Variants in LRP1B observed in about 807,000 individuals in gnomAD.
The protein encoded by LRP1B is low-density lipoprotein receptor-related protein 1B.
LRP1B carries 217 observed loss-of-function variants against 556.6 expected under a neutral mutation model. The observed-to-expected ratio is 0.39, with a 90% CI of 0.35 to 0.44. The LOEUF is 0.44. LRP1B is among the 20% of genes least tolerant of loss of function. The probability of loss-of-function intolerance (pLI) is 1.00; values close to 1 mark genes in which losing one functional copy is unlikely to be tolerated. For synonymous variants in LRP1B, 2,047 were observed against 1,865.8 expected, an observed-to-expected ratio of 1.10 and a Z score of -2.50; for missense variants, 5,053 against 5,620.8, an observed-to-expected ratio of 0.90 and a Z score of 3.23.
chr2:140,352,249 C>T (rs1312374191), intron 76 of LRP1B, among the ~76,000 whole-genome samples: 1 of 152,074 alleles, frequency 6.6e-6, no homozygotes, highest in East Asian at 1.9e-4. Flanking sequence ...AATCCTGGCT[C>T]ACTGCAACCT....
intron 2 of LRP1B, among the ~76,000 whole-genome samples, chr2:141,608,172 C>T (rs901731069): frequency 2.6e-5 from 4 of 151,852 alleles, no homozygotes; most frequent in Admixed American, 6.6e-5. Context: ...TGCAGTGAGC[C>T]GAGATCAGGC....
intron 31 of LRP1B, among the ~76,000 whole-genome samples, chr2:140,814,065 C>T (rs1216279170): frequency 1.3e-5 from 2 of 152,150 alleles, no homozygotes; most frequent in African/African-American, 4.8e-5. Context: ...GCCTCAGACT[C>T]CCAGGCTCAT....
At chr2:141,897,604 T>C (rs1476858254) in intron 1 of LRP1B, among the ~76,000 whole-genome samples, 2 of 152,156 alleles carry the variant, frequency 1.3e-5, no homozygotes, top group African/African-American at 4.8e-5. Flanking sequence ...GATATGATTT[T>C]TTTCCAGTTC....
intron 2 of LRP1B, among the ~76,000 whole-genome samples, chr2:141,754,998 T>TTATATATA (rs368911650): frequency 2.6e-5 from 4 of 151,846 alleles, no homozygotes; most frequent in African/African-American, 9.7e-5. Context: ...TGCTATCCTC[T>TTATATATA]TATATATATA....
intron 6 of LRP1B, among the ~76,000 whole-genome samples, chr2:141,227,036 A>G (rs1016013896): frequency 2.9e-5 from 4 of 138,600 alleles, no homozygotes; most frequent in South Asian, 2.3e-4. Flanking sequence ...TGAATTCCCT[A>G]ACAACAACAA....
At chr2:140,248,596 TAG>T (rs1553481681) in intron 86 of LRP1B, among the ~76,000 whole-genome samples, 2 of 151,592 alleles carry the variant, frequency 1.3e-5, no homozygotes, top group Non-Finnish European at 3.0e-5. Context: ...TCTGTATTAA[TAG>T]AGTTAGGTAA....
intron 8 of LRP1B, 40 bp downstream of exon 8, chr2:141,062,011 T>G: frequency 1.3e-6 from 2 of 1,545,694 alleles, no homozygotes; most frequent in East Asian, 4.5e-5. Flanking sequence ...TCCTTTCTTT[T>G]TATTACCCTA....
intron 31 of LRP1B, among the ~76,000 whole-genome samples, chr2:140,831,777 C>T (rs1225209772): frequency 6.6e-6 from 1 of 152,014 alleles, no homozygotes; most frequent in Non-Finnish European, 1.5e-5. Context: ...ATCCATCTGA[C>T]AAGATATCAA....
chr2:140,755,183 G>T (rs1051519567), intron 35 of LRP1B, among the ~76,000 whole-genome samples: 1 of 151,784 alleles, frequency 6.6e-6, no homozygotes, highest in Non-Finnish European at 1.5e-5. Context: ...AATCAAAATC[G>T]AATCCCTCAA....
intron 35 of LRP1B, among the ~76,000 whole-genome samples, chr2:140,754,251 G>C (rs1292162171): frequency 6.6e-6 from 1 of 152,146 alleles, no homozygotes; most frequent in Non-Finnish European, 1.5e-5. Context: ...CTAAATGGTA[G>C]GTTCACTAAC....
intron 2 of LRP1B, among the ~76,000 whole-genome samples, chr2:141,784,514 A>G (rs1173213764): frequency 2.6e-5 from 4 of 151,974 alleles, no homozygotes; most frequent in Non-Finnish European, 5.9e-5. Flanking sequence ...ACATTTCCAT[A>G]TAAGAAGTGG....
At chr2:140,965,552 T>G in intron 18 of LRP1B, among the ~76,000 whole-genome samples, 1 of 54,888 alleles carries the variant, frequency 1.8e-5, no homozygotes, top group South Asian at 5.6e-4. Context: ...CTAAATTGAT[T>G]TTCTTTTAAT....
chr2:140,973,982 C>G (rs1696514653), intron 18 of LRP1B, among the ~76,000 whole-genome samples: 1 of 152,054 alleles, frequency 6.6e-6, no homozygotes, highest in African/African-American at 2.4e-5. Flanking sequence ...AGAAAAGCCC[C>G]TACAAACATA....
chr2:141,156,698 TGA>T (rs1350677094), intron 7 of LRP1B, among the ~76,000 whole-genome samples: 1 of 151,918 alleles, frequency 6.6e-6, no homozygotes, highest in Non-Finnish European at 1.5e-5. Context: ...TGTTACATGC[TGA>T]GAGAGAGTTC....
intron 36 of LRP1B, 151 bp downstream of exon 36, chr2:140,716,531 G>A: frequency 1.5e-6 from 1 of 681,284 alleles, no homozygotes; most frequent in Non-Finnish European, 2.3e-6. Context: ...ATTAGAAGGA[G>A]CGAAGCCAAA....
intron 3 of LRP1B, among the ~76,000 whole-genome samples, chr2:141,319,314 T>TTTTTTTTTTTC (rs1559002102): frequency 6.7e-6 from 1 of 148,950 alleles, no homozygotes; most frequent in African/African-American, 2.5e-5. Context: ...TTTGTTGTTT[T>TTTTTTTTTTTC]TTTTTTTTTT....
At chr2:142,086,045 T>C (rs1705906507) in intron 1 of LRP1B, among the ~76,000 whole-genome samples, 1 of 152,182 alleles carries the variant, frequency 6.6e-6, no homozygotes, top group South Asian at 2.1e-4. Flanking sequence ...CTACTACTAG[T>C]GGTTTCAGCT....
intron 1 of LRP1B, among the ~76,000 whole-genome samples, chr2:142,061,270 T>C (rs962561605): frequency 3.9e-5 from 6 of 151,930 alleles, no homozygotes; most frequent in Non-Finnish European, 7.4e-5. Context: ...AAGACAATAT[T>C]TAGTTTTTGG....
At chr2:141,083,355 T>C (rs948210985) in intron 7 of LRP1B, among the ~76,000 whole-genome samples, 4 of 147,298 alleles carry the variant, frequency 2.7e-5, no homozygotes, top group Admixed American at 2.0e-4. Context: ...GTAAAATGAA[T>C]GGAGGTAAAA....
Sources: allele counts gnomAD v4.1 joint callset (sites outside exome capture counted in the v4.1 genomes callset), GRCh38; gene constraint gnomAD v4.1.1; transcripts MANE v1.5; gene names NCBI Gene and HGNC (gene_info 2026-07-23, HGNC 2026-07-21).